Variants in NEK1 observed in about 807,000 individuals in gnomAD.
NEK1 encodes serine/threonine-protein kinase Nek1.
In NEK1, 137 loss-of-function variants were observed where a neutral mutation model predicts 182.1. The ratio of observed to expected loss-of-function variants is 0.75; its 90% confidence interval spans 0.65 to 0.87. NEK1 has a LOEUF of 0.87. Ranked by LOEUF, NEK1 falls within the 40% of genes least tolerant of loss-of-function variation. The pLI, the probability that NEK1 is intolerant of heterozygous loss-of-function variation, is 0.00. For missense variants in NEK1, 1,391 were observed against 1,494.4 expected (o/e 0.93, Z 1.14); for synonymous variants, 513 against 492.2 (o/e 1.04, Z -0.56).
intron 5 of NEK1, among the ~76,000 whole-genome samples, chr4:169,593,687 C>T (rs755799539): frequency 5.3e-5 from 8 of 152,224 alleles, no homozygotes; most frequent in Middle Eastern, 3.4e-3. Context: ...GAGAGGGAAG[C>T]CCTTTAAAAT....
chr4:169,475,692 CAT>C (rs1746815352), intron 26 of NEK1, among the ~76,000 whole-genome samples: 1 of 151,982 alleles, frequency 6.6e-6, no homozygotes, highest in South Asian at 2.1e-4. Context: ...TAAGTAAAGA[CAT>C]TAATAAAATT....
chr4:169,424,455 T>C (rs557237602), intron 31 of NEK1, 98 bp downstream of exon 31: 138 of 1,353,302 alleles, frequency 1.0e-4, no homozygotes, highest in Admixed American at 8.0e-4. Flanking sequence ...TTTGTGTCTG[T>C]GTTAAGAGAT....
intron 23 of NEK1, among the ~76,000 whole-genome samples, chr4:169,498,321 T>C (rs1173953067): frequency 2.6e-5 from 4 of 152,232 alleles, no homozygotes; most frequent in African/African-American, 9.6e-5. Context: ...ATGGGTTTCC[T>C]GAATACAGCA....
chr4:169,477,310 C>A lies in NEK1; in HGVS notation c.2248G>T (p.Ala750Ser). 1 of 1,583,902 alleles carries A rather than the reference C, an allele frequency of 6.3e-7. No individual in the cohort carries two copies. The stretch of plus-strand genomic sequence containing the variant: ...TGCTTTCCTTTTTCATCTTCTTGAG[C>A]TTTAAGATTTTCATTTAATCTACGA... ...ILRRLNENLK[A>S]QEDEKGKQNL... The change falls in exon 26 of 36, where the codon GCT (alanine) becomes TCT (serine). Residue 750 changes from alanine (A) to serine (S), a missense_variant. Ala to Ser is a moderately conservative substitution (Grantham distance 99, BLOSUM62 1). Around this residue, in one of 5 missense-constraint regions of NEK1, gnomAD observed 1,216 missense variants for 1,277.6 expected, o/e 0.95. Transcript: ENST00000507142.
At chr4:169,420,899 T>A (rs773752760) in intron 31 of NEK1, among the ~76,000 whole-genome samples, 6 of 152,204 alleles carry the variant, frequency 3.9e-5, no homozygotes, top group Non-Finnish European at 8.8e-5. Context: ...AAATGTAAAT[T>A]GTCTAATCAA....
chr4:169,595,299 T>C (rs1769249290), intron 5 of NEK1, among the ~76,000 whole-genome samples: 1 of 152,210 alleles, frequency 6.6e-6, no homozygotes, highest in South Asian at 2.1e-4. Context: ...ATGATTGGTA[T>C]TATTTTTAAT....
chr4:169,454,029 A>G (rs1455375281), intron 27 of NEK1, among the ~76,000 whole-genome samples: 2 of 152,204 alleles, frequency 1.3e-5, no homozygotes, highest in African/African-American at 4.8e-5. Context: ...AATGCCACAC[A>G]TCTACAACCA....
intron 28 of NEK1, among the ~76,000 whole-genome samples, chr4:169,433,939 A>C (rs956348701): frequency 1.3e-5 from 2 of 152,090 alleles, no homozygotes; most frequent in African/African-American, 4.8e-5. Context: ...ATTATGTAAA[A>C]TTTTCTCTTC....
In NEK1 at chr4:169,445,863, T is replaced by TATATATATATATATATATATAC. The variant is rs1554034324; in HGVS notation, c.2588-7605_2588-7604insGTATATATATATATATATATAT. 2.5e-3 allele frequency among the ~76,000 whole-genome samples: 322 copies of TATATATATATATATATATATAC among 130,756 alleles called. 4 individuals are homozygous for TATATATATATATATATATATAC. Among genetic ancestry groups the TATATATATATATATATATATAC allele is most frequent in the African/African-American group, 9.1e-3 (307 of 33,912 alleles). The allele number at this position is 130,756 out of a possible 152,430, so 85.8% of individuals were successfully genotyped here. Reference sequence around the variant, plus strand: ...ACAACTATATACATATATATATATATATACACACACACACACACACACATG... The same window carrying TATATATATATATATATATATAC: ...ACAACTATATACATATATATATATATATATATATATATATATATATACATACACACACACACACACACACATG... On this transcript the variant is annotated intron_variant, in intron 27 of 35. Transcript: ENST00000507142.
At chr4:169,521,942 A>C (rs1322677280) in intron 19 of NEK1, among the ~76,000 whole-genome samples, 1 of 152,184 alleles carries the variant, frequency 6.6e-6, no homozygotes, top group Admixed American at 6.5e-5. Flanking sequence ...ATAGGTGAGA[A>C]ATTTTCAGTC....
Position 169,401,963 on chromosome 4 carries a change from G to A in NEK1, c.3375-103C>T, listed in dbSNP as rs531762651. 1.4e-3 allele frequency: 1,204 copies of A among 867,458 alleles called. 3 individuals carry two copies. The highest frequency in any genetic ancestry group is 1.9e-3 in the Non-Finnish European group (1,113 of 591,454). The allele number at this position is 867,458 out of a possible 1,614,324, so 53.7% of individuals were successfully genotyped here. On this transcript the variant is annotated intron_variant, in intron 32 of 35. Transcript: ENST00000507142. ...CTGAAATTTTACTTCTACTCAATAC[G>A]TAGGCACTTCTTAAAAAATCCTAAT...
At chr4:169,470,827 T>C (rs902641126) in intron 26 of NEK1, among the ~76,000 whole-genome samples, 2 of 152,180 alleles carry the variant, frequency 1.3e-5, no homozygotes, top group Non-Finnish European at 2.9e-5. Context: ...TTCCTTTTCA[T>C]TCTTTTTTCT....
intron 10 of NEK1, among the ~76,000 whole-genome samples, chr4:169,583,261 C>A (rs1254143336): frequency 5.4e-5 from 5 of 92,956 alleles, no homozygotes; most frequent in Admixed American, 1.3e-4. Context: ...AGTGAGACTC[C>A]ATCTCAAAAA....
intron 18 of NEK1, among the ~76,000 whole-genome samples, chr4:169,539,001 G>A (rs1181601254): frequency 6.6e-6 from 1 of 152,078 alleles, no homozygotes; most frequent in Non-Finnish European, 1.5e-5. Flanking sequence ...AGTGATCTAA[G>A]GTTCATTTAC....
intron 2 of NEK1, among the ~76,000 whole-genome samples, chr4:169,611,038 A>G (rs1189053781): frequency 6.6e-6 from 1 of 152,258 alleles, no homozygotes; most frequent in Non-Finnish European, 1.5e-5. Flanking sequence ...CTGTAAGTCT[A>G]TTCAGACAAT....
At chr4:169,524,461 CAAAAAAAA>C (rs953408098) in intron 19 of NEK1, among the ~76,000 whole-genome samples, 1 of 50,602 alleles carries the variant, frequency 2.0e-5, no homozygotes, top group Non-Finnish European at 5.0e-5. Context: ...AATTCCATCT[CAAAAAAAA>C]AAAAAAAAAA....
chr4:169,411,875 A>C (rs923669455), intron 31 of NEK1, among the ~76,000 whole-genome samples: 3 of 152,210 alleles, frequency 2.0e-5, no homozygotes, highest in East Asian at 1.9e-4. Flanking sequence ...TGCATTATGA[A>C]GGCATGTATC....
rs888451614 is a variant in NEK1 at position 169,438,170 on chromosome 4, T to C, written c.2677A>G (p.Ile893Val). The change falls in exon 28 of 36, where the codon ATT becomes GTT. Residue 893 changes from isoleucine to valine, a missense_variant. Coordinates refer to ENST00000507142, the MANE Select transcript of NEK1 (RefSeq NM_001199397.3). ...CISHEINPSA[I>V]VDSPVETKSP... ...TTTGTCTCAACAGGAGAATCAACAA[T>C]AGCTGATGGGTTTATTTCATGTGAA... 3 of 1,606,640 alleles carry C rather than the reference T, an allele frequency of 1.9e-6. No homozygotes were observed. The highest frequency in any genetic ancestry group is 2.6e-6 in the Non-Finnish European group (3 of 1,175,972).
At chr4:169,568,113 T>C (rs1764019789) in intron 12 of NEK1, among the ~76,000 whole-genome samples, 1 of 152,220 alleles carries the variant, frequency 6.6e-6, no homozygotes, top group Non-Finnish European at 1.5e-5. Context: ...GATCTCTCCA[T>C]TCAGTCAGGC....
Sources: allele counts gnomAD v4.1 joint callset (sites outside exome capture counted in the v4.1 genomes callset), GRCh38; gene constraint gnomAD v4.1.1; regional missense constraint gnomAD v4.1.1; transcripts MANE v1.5; gene names NCBI Gene and HGNC (gene_info 2026-07-23, HGNC 2026-07-21).